Variants in SCUBE1 observed in about 807,000 individuals in gnomAD.
SCUBE1 encodes signal peptide, CUB and EGF-like domain-containing protein 1.
SCUBE1 carries 59 observed loss-of-function variants against 124.4 expected under a neutral mutation model. The observed-to-expected ratio is 0.47, with a 90% CI of 0.38 to 0.59. The LOEUF (loss-of-function observed/expected upper bound fraction) is 0.59, where lower values mean the gene tolerates loss of function less well. SCUBE1 is among the 20% of genes least tolerant of loss of function. The pLI, the probability that SCUBE1 is intolerant of heterozygous loss-of-function variation, is 0.00. For synonymous variants in SCUBE1, 545 were observed against 550.9 expected (o/e 0.99, Z 0.15); for missense variants, 1,150 against 1,371.2 (o/e 0.84, Z 2.55).
intron 3 of SCUBE1, 43 bp from the exon 4 acceptor site, chr22:43,291,223 G>T: frequency 6.3e-7 from 1 of 1,587,846 alleles, no homozygotes; most frequent in Non-Finnish European, 8.6e-7. Flanking sequence ...TCACACCTAA[G>T]TTGGAAGCAG....
intron 15 of SCUBE1, among the ~76,000 whole-genome samples, chr22:43,214,943 G>A (rs866964561): frequency 7.9e-5 from 12 of 152,194 alleles, no homozygotes; most frequent in African/African-American, 1.9e-4. Flanking sequence ...GGTGTGGAAC[G>A]GGAGGCACTG....
intron 6 of SCUBE1, among the ~76,000 whole-genome samples, chr22:43,251,554 T>C (rs544815379): frequency 6.5e-4 from 98 of 151,810 alleles, no homozygotes; most frequent in African/African-American, 2.2e-3. Context: ...CAGAGGTGGG[T>C]CAGAAACAGA....
intron 4 of SCUBE1, among the ~76,000 whole-genome samples, chr22:43,268,464 C>T (rs1293941012): frequency 6.6e-6 from 1 of 152,242 alleles, no homozygotes; most frequent in Non-Finnish European, 1.5e-5. Context: ...CAGGTCGAAT[C>T]TAATCTGATC....
Position 43,220,567 on chromosome 22 carries a change from C to G in SCUBE1, c.1570G>C (p.Val524Leu), listed in dbSNP as rs149213561. 3.1e-6 allele frequency: 5 copies of G among 1,613,834 alleles called. No individual in the cohort carries two copies. The African/African-American group carries it at 4.0e-5, about 13-fold the overall frequency. ...TTGGAGGAGTCACACTTGAGGGTCA[C>G]GAAAGTCACATGGCAGTGGTCTGGA... ...PLLDHCHVTF[V>L]TLKCDSSKKR... is the part of the protein sequence containing the mutation. The change falls in exon 14 of 22, where the codon GTG becomes CTG. Residue 524 changes from valine (V) to leucine (L), a missense_variant. Physicochemically the swap from Val to Leu is conservative, Grantham distance 32. Around this residue, in one of 3 missense-constraint regions of SCUBE1, gnomAD observed 757 missense variants for 840.9 expected, o/e 0.90. Coordinates refer to ENST00000360835, the MANE Select transcript of SCUBE1 (RefSeq NM_173050.5).
At chr22:43,274,429 C>A (rs1198020438) in intron 4 of SCUBE1, among the ~76,000 whole-genome samples, 1 of 152,182 alleles carries the variant, frequency 6.6e-6, no homozygotes, top group African/African-American at 2.4e-5. Flanking sequence ...CCACAGGGAC[C>A]CTAAAGGAAG....
chr22:43,281,482 C>CT (rs1924865811), intron 4 of SCUBE1, among the ~76,000 whole-genome samples: 7 of 93,976 alleles, frequency 7.4e-5, no homozygotes, highest in African/African-American at 4.5e-4. Context: ...TGTCACCTCC[C>CT]TCTTTGGCCA....
chr22:43,317,278 T>C (rs889181120), intron 3 of SCUBE1, among the ~76,000 whole-genome samples: 1 of 152,292 alleles, frequency 6.6e-6, no homozygotes, highest in African/African-American at 2.4e-5. Context: ...TAGCACCTAA[T>C]AGGGGCTAGT....
At chr22:43,284,870 G>A (rs1370063752) in intron 4 of SCUBE1, among the ~76,000 whole-genome samples, 1 of 152,120 alleles carries the variant, frequency 6.6e-6, no homozygotes, top group Non-Finnish European at 1.5e-5. Context: ...CTGGCTGTAG[G>A]ACAACATCAC....
chr22:43,279,450 CT>C (rs1924672375), intron 4 of SCUBE1, among the ~76,000 whole-genome samples: 1 of 152,238 alleles, frequency 6.6e-6, no homozygotes, highest in African/African-American at 2.4e-5. Flanking sequence ...GTGCTACGGT[CT>C]GCATGATTGT....
At chr22:43,281,506 T>TCCCTTGGCCAC (rs745515163) in intron 4 of SCUBE1, among the ~76,000 whole-genome samples, 3 of 46,180 alleles carry the variant, frequency 6.5e-5, no homozygotes, top group Non-Finnish European at 3.7e-5. Flanking sequence ...TCCTGTCACC[T>TCCCTTGGCCAC]CCTCCTCAGC....
chr22:43,242,211 C>T (rs73163967), intron 6 of SCUBE1, among the ~76,000 whole-genome samples: 3,218 of 152,316 alleles, frequency 0.021, 77 homozygotes, highest in East Asian at 0.13. Flanking sequence ...AGTCTTCAAG[C>T]AGAGGCTCCG....
intron 6 of SCUBE1, among the ~76,000 whole-genome samples, chr22:43,251,949 G>A (rs1188614928): frequency 1.3e-5 from 2 of 152,156 alleles, no homozygotes; most frequent in East Asian, 3.9e-4. Context: ...CGGGGCCTGA[G>A]GTAAGCTCCC....
At chr22:43,336,987 A>G (rs946399026) in intron 2 of SCUBE1, among the ~76,000 whole-genome samples, 2 of 151,854 alleles carry the variant, frequency 1.3e-5, no homozygotes, top group Non-Finnish European at 2.9e-5. Flanking sequence ...CTGTGTGTGC[A>G]TGCATGTGCC....
chr22:43,208,006 C>T, intron 20 of SCUBE1, 66 bp downstream of exon 20: 1 of 1,572,338 alleles, frequency 6.4e-7, no homozygotes, highest in South Asian at 1.1e-5. Context: ...ACGTGCGACT[C>T]ATCTCTGTGT....
chr22:43,258,118 G>T lies in SCUBE1; in HGVS notation c.727+101C>A. The T allele has an allele frequency of 1.2e-6, 1 of 858,772 alleles. No homozygotes were observed. The highest frequency in any genetic ancestry group is 1.4e-5 in the South Asian group (1 of 73,042). 53.2% of individuals were successfully genotyped at this position (858,772 alleles called of 1,614,324 possible). ...CCTTGTTTCCCTGAAGCTTCCTTCC[G>T]GGGAACCCGGACGTGGCAGGGTGCT... On this transcript the variant is annotated intron_variant, in intron 6 of 21. Transcript: ENST00000360835. This position sits in a 1 kb window ranked among gnomAD's most constrained non-coding sequence, Gnocchi z 5.0.
intron 7 of SCUBE1, among the ~76,000 whole-genome samples, chr22:43,236,722 G>A (rs1021167984): frequency 1.3e-5 from 2 of 151,608 alleles, no homozygotes; most frequent in African/African-American, 2.4e-5. Context: ...AGCCCTCCCC[G>A]GCCTCCCCCA....
rs1923621753 is a variant in SCUBE1 at position 43,255,463 on chromosome 22, A to G, written c.727+2756T>C. The G allele has an allele frequency of 5.2e-6, 8 of 1,544,212 alleles. No homozygotes were observed. The highest frequency in any genetic ancestry group is 7.0e-6 in the Non-Finnish European group (8 of 1,141,434). Reference sequence around the variant, plus strand: ...ACACACACACAAGTGCAAGTACGACAAAGGAAGTGGAAGAAAAGTGTTACC... The same window carrying G: ...ACACACACACAAGTGCAAGTACGACGAAGGAAGTGGAAGAAAAGTGTTACC... On this transcript the variant is annotated intron_variant, in intron 6 of 21. Coordinates refer to ENST00000360835, the MANE Select transcript of SCUBE1 (RefSeq NM_173050.5). The surrounding 1 kb of genome is among the most constrained non-coding windows in gnomAD (Gnocchi z 4.7).
rs561204027 is a variant in SCUBE1 at position 43,289,075 on chromosome 22, C to T, written c.484+1971G>A. On this transcript the variant is annotated intron_variant, in intron 4 of 21. Transcript: ENST00000360835. ...GGCCTCAGCTCCACCTGGAGTCCTG[C>T]TGGGGAGAAAGCCGGGCTTCAAAGG... Among the ~76,000 whole-genome samples, 40 of 152,362 alleles carry T rather than the reference C, an allele frequency of 2.6e-4. 4 individuals carry two copies. In the South Asian group the frequency reaches 8.3e-3, roughly 32 times the overall value.
Position 43,211,101 on chromosome 22 carries a change from G to A in SCUBE1, c.2222-18C>T. ...GCAGTGCACTGCCGGGGGACACAAGGCAGTGTGGTGGGTGTGGAGGGGTGC... is the reference window on the plus strand; with the variant it reads ...GCAGTGCACTGCCGGGGGACACAAGACAGTGTGGTGGGTGTGGAGGGGTGC... On this transcript the variant is annotated intron_variant, in intron 17 of 21. Transcript: ENST00000360835. This position sits in a 1 kb window ranked among gnomAD's most constrained non-coding sequence, Gnocchi z 4.5. 6.3e-7 allele frequency: 1 copy of A among 1,598,828 alleles called. No homozygotes were observed. Among genetic ancestry groups the A allele is most frequent in the South Asian group, 1.1e-5 (1 of 89,538 alleles).
Sources: allele counts gnomAD v4.1 joint callset (sites outside exome capture counted in the v4.1 genomes callset), GRCh38; gene constraint gnomAD v4.1.1; regional missense constraint gnomAD v4.1.1; non-coding constraint Gnocchi (gnomAD v3.1); transcripts MANE v1.5; gene names NCBI Gene and HGNC (gene_info 2026-07-23, HGNC 2026-07-21).